Variants in ZNF536 observed in about 807,000 individuals in gnomAD.
ZNF536 encodes zinc finger protein 536.
A neutral mutation model predicts 84.5 loss-of-function variants in ZNF536; 13 were observed. The ratio of observed to expected loss-of-function variants is 0.15; its 90% confidence interval spans 0.10 to 0.24. The LOEUF (loss-of-function observed/expected upper bound fraction) is 0.24, where lower values mean the gene tolerates loss of function less well. ZNF536 is among the 10% of genes least tolerant of loss of function. The pLI is 1.00. For synonymous variants in ZNF536, 811 were observed against 742.5 expected (o/e 1.09, Z -1.50); for missense variants, 1,536 against 1,747.5 (o/e 0.88, Z 2.16).
intron 2 of ZNF536, among the ~76,000 whole-genome samples, chr19:30,522,795 T>C (rs1020987261): frequency 1.3e-5 from 2 of 152,244 alleles, no homozygotes; most frequent in African/African-American, 4.8e-5. Context: ...CTTTCAATTA[T>C]CTTAAGGATT....
At chr19:30,440,164 T>C (rs1216793592) in intron 1 of ZNF536, among the ~76,000 whole-genome samples, 2 of 151,988 alleles carry the variant, frequency 1.3e-5, no homozygotes, top group African/African-American at 4.8e-5. Context: ...TTTCAACATG[T>C]TGTTCAGGCT....
chr19:30,359,858 G>A (rs2048217771), intron 3 of ZNF536, among the ~76,000 whole-genome samples: 1 of 152,198 alleles, frequency 6.6e-6, no homozygotes. Context: ...GGCTGCAACT[G>A]GACAGGGGCA....
At chr19:30,257,301 A>C (rs999912370) in intron 1 of ZNF536, among the ~76,000 whole-genome samples, 2 of 152,216 alleles carry the variant, frequency 1.3e-5, no homozygotes, top group Non-Finnish European at 2.9e-5. Context: ...TGAGCACTGC[A>C]AGAGGGCTAT....
chr19:30,572,492 G>A (rs1451375143), intron 1 of ZNF536, among the ~76,000 whole-genome samples: 2 of 152,196 alleles, frequency 1.3e-5, no homozygotes, highest in Admixed American at 1.3e-4. Context: ...CCATCCAGCA[G>A]CCTTGTCCTG....
intron 2 of ZNF536, among the ~76,000 whole-genome samples, chr19:30,288,949 G>C (rs1367487171): frequency 6.6e-6 from 1 of 152,182 alleles, no homozygotes; most frequent in Non-Finnish European, 1.5e-5. Context: ...ACCCCAAGAT[G>C]TTGCTAGGCA....
chr19:30,350,632 G>A (rs563891657), intron 2 of ZNF536, among the ~76,000 whole-genome samples: 7 of 152,288 alleles, frequency 4.6e-5, no homozygotes, highest in Admixed American at 2.0e-4. Context: ...TGAATAATAA[G>A]CATCATAAAA....
At chr19:30,699,978 TTCTTTC>T (rs2051831569) in intron 1 of ZNF536, among the ~76,000 whole-genome samples, 1 of 147,148 alleles carries the variant, frequency 6.8e-6, no homozygotes, top group South Asian at 2.1e-4. Flanking sequence ...CCTTTCTCTC[TTCTTTC>T]TCTTTCTCTC....
chr19:30,262,219 C>T (rs1599936177), intron 1 of ZNF536, among the ~76,000 whole-genome samples: 1 of 152,258 alleles, frequency 6.6e-6, no homozygotes, highest in African/African-American at 2.4e-5. Context: ...AGAGGCTGAG[C>T]CTGCCTGGCT....
At chr19:30,642,028 G>A (rs963276957) in intron 1 of ZNF536, among the ~76,000 whole-genome samples, 9 of 152,172 alleles carry the variant, frequency 5.9e-5, no homozygotes, top group Admixed American at 2.6e-4. Context: ...CAAAGTTTGC[G>A]GGACCACCTC....
At chr19:30,437,688 G>A (rs1213550700) in intron 1 of ZNF536, among the ~76,000 whole-genome samples, 1 of 152,052 alleles carries the variant, frequency 6.6e-6, no homozygotes, top group Non-Finnish European at 1.5e-5. Flanking sequence ...CCTGTGCTCA[G>A]AAAAGGTCAG....
At chr19:30,367,959 AG>A (rs2048491532), upstream of ZNF536, among the ~76,000 whole-genome samples, 1 of 152,146 alleles carries the variant, frequency 6.6e-6, no homozygotes, top group Non-Finnish European at 1.5e-5. Flanking sequence ...TACTTGTTAA[AG>A]TATCCATTGC....
rs145422144 is a variant in ZNF536 at position 30,477,547 on chromosome 19, C to T, written c.2170+31815C>T. Among the ~76,000 whole-genome samples, 618 of 152,256 alleles carry T rather than the reference C, an allele frequency of 4.1e-3. 4 individuals are homozygous for T. Among genetic ancestry groups the T allele is most frequent in the African/African-American group, 0.014 (577 of 41,546 alleles). On this transcript the variant is annotated intron_variant, in intron 2 of 4. Transcript: ENST00000355537. ...TTAAGCAGAAATTTCTGCTTTGTGG[C>T]GTGAAGAAAGCAGAGTATTCCAGCA...
chr19:30,341,708 T>A (rs1411684740), intron 2 of ZNF536, among the ~76,000 whole-genome samples: 2 of 148,170 alleles, frequency 1.3e-5, no homozygotes, highest in Non-Finnish European at 3.0e-5. Flanking sequence ...TTGGAACTCT[T>A]TTTTTTTTTA....
chr19:30,608,817 G>A (rs550676841), intron 1 of ZNF536, among the ~76,000 whole-genome samples: 2 of 152,320 alleles, frequency 1.3e-5, no homozygotes, highest in Non-Finnish European at 1.5e-5. Context: ...CTCTCCCTCT[G>A]AACATTGTGA....
chr19:30,665,073 G>A (rs575011156), intron 1 of ZNF536, among the ~76,000 whole-genome samples: 3 of 152,368 alleles, frequency 2.0e-5, no homozygotes, highest in East Asian at 1.9e-4. Flanking sequence ...GCCAGGCGCC[G>A]TGGCTCATGC....
chr19:30,229,439 T>A (rs1437771910), intron 1 of ZNF536, among the ~76,000 whole-genome samples: 1 of 152,238 alleles, frequency 6.6e-6, no homozygotes, highest in Non-Finnish European at 1.5e-5. Flanking sequence ...ATAATGATTA[T>A]TTACAGCGTT....
chr19:30,634,491 G>GA (rs747537493), intron 1 of ZNF536, among the ~76,000 whole-genome samples: 5 of 151,984 alleles, frequency 3.3e-5, no homozygotes, highest in Non-Finnish European at 7.4e-5. Context: ...GAATTTCCTA[G>GA]AAAAAAGGAG....
intron 1 of ZNF536, among the ~76,000 whole-genome samples, chr19:30,253,580 C>T (rs1005078007): frequency 6.6e-6 from 1 of 152,166 alleles, no homozygotes; most frequent in African/African-American, 2.4e-5. Context: ...TTGTTTTTCC[C>T]AGCCAAAATG....
chr19:30,703,559 C>T (rs2052088874), intron 1 of ZNF536, among the ~76,000 whole-genome samples: 1 of 152,164 alleles, frequency 6.6e-6, no homozygotes, highest in South Asian at 2.1e-4. Flanking sequence ...TTTCCCAGAT[C>T]CCCCATTCAA....
Sources: gnomAD v4.1 joint callset for allele counts (sites outside exome capture counted in the v4.1 genomes callset) on GRCh38, gnomAD v4.1.1 for gene constraint, MANE v1.5 for transcripts, NCBI Gene and HGNC (gene_info 2026-07-23, HGNC 2026-07-21) for gene names.